Variants in SEC22A observed in about 807,000 individuals in gnomAD.
The protein encoded by SEC22A is SEC22 homolog A, vesicle trafficking protein.
Under a neutral mutation model 35.3 loss-of-function variants are expected in SEC22A, and 22 were observed. The observed-to-expected ratio is 0.62, with a 90% CI of 0.45 to 0.89. The LOEUF (loss-of-function observed/expected upper bound fraction) is 0.89, where lower values mean the gene tolerates loss of function less well. Among genes scored for constraint, SEC22A ranks in the 40% least tolerant of loss-of-function variants. The probability of loss-of-function intolerance (pLI) is 0.00; values close to 1 mark genes in which losing one functional copy is unlikely to be tolerated. For synonymous variants in SEC22A, 119 were observed against 129.5 expected (o/e 0.92, Z 0.55); for missense variants, 354 against 362.5 (o/e 0.98, Z 0.19).
intron 1 of SEC22A, among the ~76,000 whole-genome samples, chr3:123,204,399 T>C (rs1936812346): frequency 6.6e-6 from 1 of 152,186 alleles, no homozygotes; most frequent in Non-Finnish European, 1.5e-5. Context: ...TATGAGTGCT[T>C]TTGCCCCCAG....
intron 6 of SEC22A, among the ~76,000 whole-genome samples, chr3:123,269,207 GTGTGTGTGTA>G (rs1320179944): frequency 7.3e-5 from 8 of 109,408 alleles, no homozygotes; most frequent in South Asian, 2.9e-4. Context: ...GTGTGTGTGT[GTGTGTGTGTA>G]TATATTACTG....
At chr3:123,253,539 C>T (rs1390049653) in intron 5 of SEC22A, among the ~76,000 whole-genome samples, 1 of 121,782 alleles carries the variant, frequency 8.2e-6, no homozygotes, top group Non-Finnish European at 1.8e-5. Context: ...TGGTGAAACC[C>T]CATCTCTACT....
At chr3:123,242,473 A>G (rs1202608872) in intron 4 of SEC22A, among the ~76,000 whole-genome samples, 1 of 150,912 alleles carries the variant, frequency 6.6e-6, no homozygotes, top group Non-Finnish European at 1.5e-5. Flanking sequence ...TTTAACCTCC[A>G]TGACATCTTA....
At chr3:123,253,624 A>G (rs960847423) in intron 5 of SEC22A, among the ~76,000 whole-genome samples, 5 of 150,792 alleles carry the variant, frequency 3.3e-5, no homozygotes, top group Non-Finnish European at 7.4e-5. Flanking sequence ...AGGCAGGAGA[A>G]TTGCTTGAAC....
At chr3:123,259,034 A>C (rs1014877025) in intron 5 of SEC22A, among the ~76,000 whole-genome samples, 1 of 152,202 alleles carries the variant, frequency 6.6e-6, no homozygotes, top group Non-Finnish European at 1.5e-5. Flanking sequence ...AGCACACTCT[A>C]GTGGACAGTA....
intron 1 of SEC22A, among the ~76,000 whole-genome samples, chr3:123,203,839 A>G (rs1466909817): frequency 1.3e-5 from 2 of 152,182 alleles, no homozygotes; most frequent in Non-Finnish European, 2.9e-5. Flanking sequence ...CACTATAAAA[A>G]TGTTGGGATT....
chr3:123,206,595 TA>T (rs66692423), intron 1 of SEC22A, among the ~76,000 whole-genome samples: 30,109 of 150,458 alleles, frequency 0.2, 3,102 homozygotes, highest in Middle Eastern at 0.28. Flanking sequence ...TAAAACATGG[TA>T]AAAAAAAAAT....
intron 2 of SEC22A, among the ~76,000 whole-genome samples, chr3:123,218,638 A>G (rs1407090106): frequency 9.2e-5 from 14 of 152,148 alleles, no homozygotes; most frequent in Admixed American, 8.5e-4. Flanking sequence ...TGAACCCTCA[A>G]TAAAGCCTTC....
chr3:123,252,880 T>G (rs150931817), intron 5 of SEC22A, among the ~76,000 whole-genome samples: 1,912 of 152,290 alleles, frequency 0.013, 39 homozygotes, highest in African/African-American at 0.044. Flanking sequence ...GTTCATAAGT[T>G]TATTTTGGAG....
At chr3:123,237,752 C>A (rs982603344) in intron 4 of SEC22A, among the ~76,000 whole-genome samples, 3 of 152,182 alleles carry the variant, frequency 2.0e-5, no homozygotes, top group Admixed American at 2.0e-4. Context: ...CACGTATCAC[C>A]TGACTTCCAT....
At chr3:123,221,550 T>C (rs1937124585) in intron 2 of SEC22A, among the ~76,000 whole-genome samples, 1 of 151,190 alleles carries the variant, frequency 6.6e-6, no homozygotes, top group Non-Finnish European at 1.5e-5. Flanking sequence ...ACATCCTGCA[T>C]GCTGTTTACT....
chr3:123,237,133 T>A (rs1559757955), intron 4 of SEC22A, among the ~76,000 whole-genome samples: 1 of 152,216 alleles, frequency 6.6e-6, no homozygotes, highest in Non-Finnish European at 1.5e-5. Flanking sequence ...AATAAAACTT[T>A]ATTTACAAAA....
chr3:123,205,049 T>TAA lies in SEC22A; in HGVS notation c.-20+3071_-20+3072dup, dbSNP rs57525190. ...TAGCACAGTCCAGATAAGATTAGTTTAAAAAAAAACAAACTATATTATGAA... is the reference window on the plus strand; with the variant it reads ...TAGCACAGTCCAGATAAGATTAGTTTAAAAAAAAAAACAAACTATATTATGAA... On this transcript the variant is annotated intron_variant, in intron 1 of 6. Coordinates refer to ENST00000492595, the MANE Select transcript of SEC22A (RefSeq NM_012430.5). Among the ~76,000 whole-genome samples the TAA allele has an allele frequency of 2.1e-3, 324 of 151,232 alleles. 7 individuals are homozygous for TAA. In the East Asian group the frequency reaches 0.044, roughly 20 times the overall value.
chr3:123,225,059 A>G, intron 3 of SEC22A, 44 bp from the exon 4 acceptor site: 1 of 1,256,718 alleles, frequency 8.0e-7, no homozygotes, highest in Non-Finnish European at 1.1e-6. Flanking sequence ...GAAATGATTA[A>G]TTGACAAGTG....
At chr3:123,269,179 A>ATATGTGTGTGTG (rs756213040) in intron 6 of SEC22A, among the ~76,000 whole-genome samples, 5 of 120,666 alleles carry the variant, frequency 4.1e-5, no homozygotes, top group African/African-American at 1.6e-4. Context: ...AATTAAATAT[A>ATATGTGTGTGTG]TGTGTGTGTG....
rs746161101 is a variant in SEC22A at position 123,271,571 on chromosome 3, T to A, written c.773T>A (p.Leu258Ter). ...YTGWRNVKSF[L>*]TFGLICLCNM... ...GGCTGGCGGAATGTCAAATCTTTTT[T>A]GACTTTTGGCTTAATCTGTCTATGC... is the stretch of plus-strand genomic sequence containing the variant. The change falls in exon 7 of 7, where the codon TTG becomes TAG. Residue 258 changes from leucine to a stop codon, truncating the protein, a stop_gained. Transcript: ENST00000492595. LOFTEE classifies it high-confidence loss of function. 8.1e-6 allele frequency: 13 copies of A among 1,614,078 alleles called. No individual in the cohort carries two copies. Among genetic ancestry groups the A allele is most frequent in the Non-Finnish European group, 1.1e-5 (13 of 1,180,040 alleles).
At position 123,271,839 on chromosome 3, in the gene SEC22A, C is replaced by A. The variant is rs1938173873; in HGVS notation, c.*117C>A. On this transcript the variant is annotated 3_prime_UTR_variant, in exon 7 of 7. Coordinates refer to ENST00000492595, the MANE Select transcript of SEC22A (RefSeq NM_012430.5). ...AGGAGAAGCTCTGCTTTCTTTCTCT[C>A]CAACTTTCCTTTTTTAAAATCAGCA... The A allele has an allele frequency of 2.4e-6, 2 of 847,964 alleles. No individual in the cohort carries two copies. Among genetic ancestry groups the A allele is most frequent in the African/African-American group, 1.7e-5 (1 of 58,374 alleles). The allele number at this position is 847,964 out of a possible 1,614,324, so 52.5% of individuals were successfully genotyped here. A position where few individuals can be genotyped will look rare whatever the true frequency, so the allele number is the denominator to read the frequency against.
intron 4 of SEC22A, among the ~76,000 whole-genome samples, chr3:123,233,848 A>G (rs1322580774): frequency 6.6e-6 from 1 of 152,252 alleles, no homozygotes; most frequent in Non-Finnish European, 1.5e-5. Context: ...TTCAAGGCAC[A>G]GCAGGCCGTT....
At chr3:123,270,351 A>T (rs538278786) in intron 6 of SEC22A, among the ~76,000 whole-genome samples, 1 of 152,212 alleles carries the variant, frequency 6.6e-6, no homozygotes, top group Admixed American at 6.5e-5. Flanking sequence ...CCAAATTTGC[A>T]TAAGAACTAA....
Sources: allele counts gnomAD v4.1 joint callset (sites outside exome capture counted in the v4.1 genomes callset), GRCh38; gene constraint gnomAD v4.1.1; transcripts MANE v1.5; gene names NCBI Gene and HGNC (gene_info 2026-07-23, HGNC 2026-07-21).